The following ROS1 variants were observed in gnomAD, a reference collection of about 807,000 sequenced individuals.
The protein encoded by ROS1 is ROS proto-oncogene 1, receptor tyrosine kinase, also known as proto-oncogene tyrosine-protein kinase ROS.
A neutral mutation model predicts 273.5 loss-of-function variants in ROS1; 263 were observed. The observed-to-expected ratio is 0.96, with a 90% CI of 0.87 to 1.06. The LOEUF is 1.06. Ranked by LOEUF, ROS1 falls within the 50% of genes least tolerant of loss-of-function variation. ROS1 has a pLI of 0.00. For missense variants in ROS1, 2,833 were observed against 2,751.1 expected, an observed-to-expected ratio of 1.03 and a Z score of -0.67; for synonymous variants, 1,008 against 954.1, an observed-to-expected ratio of 1.06 and a Z score of -1.04.
intron 1 of ROS1, among the ~76,000 whole-genome samples, chr6:117,422,699 A>T (rs1223470821): frequency 2.6e-5 from 4 of 152,152 alleles, no homozygotes; most frequent in Admixed American, 2.6e-4. Flanking sequence ...TTTGGAACTT[A>T]AGATACAAAT....
chr6:117,340,157 C>A (rs540922227), intron 31 of ROS1, among the ~76,000 whole-genome samples: 1 of 152,040 alleles, frequency 6.6e-6, no homozygotes, highest in South Asian at 2.1e-4. Context: ...TATAAGGTGG[C>A]AATTTTTTAA....
intron 32 of ROS1, among the ~76,000 whole-genome samples, chr6:117,330,668 G>A (rs540513221): frequency 1.3e-5 from 2 of 152,282 alleles, no homozygotes; most frequent in South Asian, 4.1e-4. Context: ...ATATCCAGGC[G>A]TGGGAGCAAA....
In ROS1 at chr6:117,356,715, A is replaced by G; in HGVS notation, c.4040T>C (p.Ile1347Thr). The change falls in exon 26 of 44, where the codon ATA (isoleucine) becomes ACA (threonine). Residue 1347 changes from isoleucine (I) to threonine (T), a missense_variant. Coordinates refer to ENST00000368507, the MANE Select transcript of ROS1 (RefSeq NM_001378902.1). Reference sequence around the variant, plus strand: ...GATCTCTTGTGCTTTGGCAAAGTATATCAATGGTTTCTCTAGGTTAGAGGT... The same window carrying G: ...GATCTCTTGTGCTTTGGCAAAGTATGTCAATGGTTTCTCTAGGTTAGAGGT... ...IDTSNLEKPL[I>T]YFAKAQEIWA... is the part of the protein sequence containing the mutation. The G allele has an allele frequency of 6.2e-7, 1 of 1,614,182 alleles. No homozygotes were observed. The highest frequency in any genetic ancestry group is 8.5e-7 in the Non-Finnish European group (1 of 1,180,008).
chr6:117,337,258 G>A lies in ROS1; in HGVS notation c.5144C>T (p.Pro1715Leu), dbSNP rs2128617045. Reference protein sequence around the residue: ...AYVCNITNLQPYTSYNVRVVV... With the variant: ...AYVCNITNLQLYTSYNVRVVV... ...TACTCTGACATTATATGAAGTATAA[G>A]GTTGTAGATTTGTGATATTACAGAC... The change falls in exon 32 of 44, where the codon CCT becomes CTT. Residue 1715 changes from proline to leucine, a missense_variant. By Grantham distance (98) the Pro-to-Leu change is moderately conservative (BLOSUM62 -3). Transcript: ENST00000368507. 6.2e-7 allele frequency: 1 copy of A among 1,611,940 alleles called. No individual in the cohort carries two copies. Among genetic ancestry groups the A allele is most frequent in the Non-Finnish European group, 8.5e-7 (1 of 1,178,478 alleles).
chr6:117,397,326 T>C (rs1773579085), intron 7 of ROS1, among the ~76,000 whole-genome samples: 1 of 152,116 alleles, frequency 6.6e-6, no homozygotes, highest in Non-Finnish European at 1.5e-5. Flanking sequence ...AATGTTACTT[T>C]CCTCACTTCT....
intron 39 of ROS1, among the ~76,000 whole-genome samples, chr6:117,316,822 A>C (rs1198363214): frequency 6.6e-6 from 1 of 152,150 alleles, no homozygotes; most frequent in East Asian, 1.9e-4. Context: ...TGGGACAGAC[A>C]GGCATATAGA....
chr6:117,422,250 A>G (rs1775811790), intron 1 of ROS1, among the ~76,000 whole-genome samples: 2 of 152,168 alleles, frequency 1.3e-5, no homozygotes, highest in African/African-American at 4.8e-5. Context: ...GGCTGAAGGG[A>G]ACTGTCCGCC....
intron 27 of ROS1, among the ~76,000 whole-genome samples, chr6:117,352,463 CAT>C (rs1491105292): frequency 6.6e-6 from 1 of 152,010 alleles, no homozygotes; most frequent in Non-Finnish European, 1.5e-5. Flanking sequence ...TCATCAGTGA[CAT>C]TTTTTTTAAA....
At chr6:117,416,925 C>G (rs1282977669) in intron 2 of ROS1, among the ~76,000 whole-genome samples, 2 of 152,126 alleles carry the variant, frequency 1.3e-5, no homozygotes, top group Non-Finnish European at 2.9e-5. Context: ...ACGGTGGCAC[C>G]TGGATTCCTT....
At chr6:117,394,450 G>A (rs79460962) in intron 10 of ROS1, 104 bp from the exon 11 acceptor site, 6 of 832,884 alleles carry the variant, frequency 7.2e-6, no homozygotes, top group Non-Finnish European at 9.9e-6. Flanking sequence ...AATTAAAATA[G>A]AAGTATTTTA....
rs1028302316 is a variant in ROS1, at chr6:117,403,295, C to G, written c.466-18G>C. ...GACACAGTCTAGATCAAGGAGTGAT[C>G]AATCATCAGCATTATAGAATCAGCA... On this transcript the variant is annotated intron_variant, in intron 6 of 43. Coordinates refer to ENST00000368507, the MANE Select transcript of ROS1 (RefSeq NM_001378902.1). The G allele has an allele frequency of 6.2e-7, 1 of 1,608,164 alleles. No individual in the cohort carries two copies. Among genetic ancestry groups the G allele is most frequent in the Non-Finnish European group, 8.5e-7 (1 of 1,178,380 alleles).
At chr6:117,303,125 G>A (rs1462720688) in intron 42 of ROS1, among the ~76,000 whole-genome samples, 3 of 152,144 alleles carry the variant, frequency 2.0e-5, no homozygotes, top group Non-Finnish European at 2.9e-5. Context: ...TATATTCCAA[G>A]CCTGGTTTTC....
At chr6:117,387,325 C>G (rs1766116306) in intron 14 of ROS1, among the ~76,000 whole-genome samples, 1 of 152,094 alleles carries the variant, frequency 6.6e-6, no homozygotes, top group African/African-American at 2.4e-5. Flanking sequence ...TGGTCTCATT[C>G]AGAGCATCCA....
chr6:117,319,156 T>C (rs11967080), intron 37 of ROS1, among the ~76,000 whole-genome samples: 1,869 of 152,204 alleles, frequency 0.012, 24 homozygotes, highest in African/African-American at 0.042. Flanking sequence ...CCTCCCTTTA[T>C]CAAAAGAAAG....
At chr6:117,354,954 A>G (rs1779183348) in intron 26 of ROS1, among the ~76,000 whole-genome samples, 1 of 152,230 alleles carries the variant, frequency 6.6e-6, no homozygotes, top group South Asian at 2.1e-4. Flanking sequence ...CATCCAGGAT[A>G]GAGCAATCCT....
chr6:117,335,903 A>T (rs1443097427), intron 32 of ROS1, among the ~76,000 whole-genome samples: 1 of 152,148 alleles, frequency 6.6e-6, no homozygotes, highest in African/African-American at 2.4e-5. Flanking sequence ...ACCATGGCAC[A>T]TGTATACCTA....
chr6:117,389,810 T>C lies in ROS1; in HGVS notation c.1326A>G (p.Arg442=), dbSNP rs758345543. The change falls in exon 13 of 44, where the codon AGA becomes AGG. Residue 442 remains arginine (R), a synonymous_variant. Coordinates refer to ENST00000368507, the MANE Select transcript of ROS1 (RefSeq NM_001378902.1). ...VFYLLRDGIY[R]ADLPVPSGRC... ...GGCCAGATGGTACAGGAAGGTCTGC[T>C]CTATAAATGCCATCTCTCAGGAGGT... The C allele has an allele frequency of 1.8e-5, 29 of 1,611,848 alleles. No individual in the cohort carries two copies. Among genetic ancestry groups the C allele is most frequent in the Non-Finnish European group, 1.4e-5 (16 of 1,178,242 alleles).
chr6:117,291,683 TA>T (rs1315614027), intron 43 of ROS1, among the ~76,000 whole-genome samples: 1 of 152,216 alleles, frequency 6.6e-6, no homozygotes, highest in Non-Finnish European at 1.5e-5. Flanking sequence ...TATAAAGATT[TA>T]ATGAGTTAAC....
intron 18 of ROS1, among the ~76,000 whole-genome samples, chr6:117,374,491 A>T (rs973633835): frequency 2.0e-5 from 3 of 152,218 alleles, no homozygotes; most frequent in Admixed American, 2.0e-4. Flanking sequence ...TGGATCAAAG[A>T]CTTAAATCTA....
Sources: gnomAD v4.1 joint callset for allele counts (sites outside exome capture counted in the v4.1 genomes callset) on GRCh38, gnomAD v4.1.1 for gene constraint, MANE v1.5 for transcripts, NCBI Gene and HGNC (gene_info 2026-07-23, HGNC 2026-07-21) for gene names.